Variants in ABI3BP observed in about 807,000 individuals in gnomAD.
The protein encoded by ABI3BP is ABI family member 3 binding protein.
ABI3BP carries 216 observed loss-of-function variants against 268.6 expected under a neutral mutation model. That is an observed-to-expected ratio of 0.80 (90% confidence interval 0.72 to 0.90). The LOEUF is 0.90. Ranked by LOEUF, ABI3BP falls within the 40% of genes least tolerant of loss-of-function variation. ABI3BP has a pLI of 0.00. For synonymous variants in ABI3BP, 730 were observed against 730.0 expected (o/e 1.00, Z 0.00); for missense variants, 2,090 against 2,182.4 (o/e 0.96, Z 0.84).
Position 100,765,780 on chromosome 3 carries a change from C to G in ABI3BP, c.4850+61G>C, listed in dbSNP as rs57092396. 1.4e-3 allele frequency: 1,776 copies of G among 1,240,730 alleles called. 26 individuals carry two copies. In the African/African-American group the frequency reaches 0.024, roughly 17 times the overall value. The allele number at this position is 1,240,730 out of a possible 1,614,324, so 76.9% of individuals were successfully genotyped here. On this transcript the variant is annotated intron_variant, in intron 63 of 67. Transcript: ENST00000471714. ...GAGAAGATGATTATCATTTCTTTCC[C>G]TTGTTGTGGTTATAACTTTTGCACT...
chr3:100,847,170 A>G (rs1309531029), intron 19 of ABI3BP, among the ~76,000 whole-genome samples: 2 of 152,224 alleles, frequency 1.3e-5, no homozygotes, highest in Non-Finnish European at 2.9e-5. Context: ...ACTCTCAAAA[A>G]AATTCACCAA....
chr3:100,950,232 G>T (rs994259991), intron 1 of ABI3BP, among the ~76,000 whole-genome samples: 1 of 152,130 alleles, frequency 6.6e-6, no homozygotes, highest in Non-Finnish European at 1.5e-5. Context: ...GCAGAGAAAG[G>T]ATATTCAATT....
Position 100,750,258 on chromosome 3 carries a change from C to T in ABI3BP, c.*237G>A, listed in dbSNP as rs180765131. On this transcript the variant is annotated 3_prime_UTR_variant, in exon 68 of 68. Transcript: ENST00000471714. ...TCTTAAAATACCATGAATAGGGAGCCAGCTTCCCCAAAAATGTTATTCTGT... is the reference window on the plus strand; with the variant it reads ...TCTTAAAATACCATGAATAGGGAGCTAGCTTCCCCAAAAATGTTATTCTGT... 2 of 359,330 alleles carry T rather than the reference C, an allele frequency of 5.6e-6. No individual in the cohort carries two copies. Among genetic ancestry groups the T allele is most frequent in the East Asian group, 9.3e-5 (2 of 21,446 alleles). 22.3% of individuals were successfully genotyped at this position (359,330 alleles called of 1,614,324 possible). A position where few individuals can be genotyped will look rare whatever the true frequency, so the allele number is the denominator to read the frequency against.
intron 60 of ABI3BP, 55 bp from the exon 61 acceptor site, chr3:100,774,728 A>G (rs578027940): frequency 1.0e-5 from 14 of 1,334,020 alleles, no homozygotes; most frequent in Non-Finnish European, 1.4e-5. Context: ...GCTTCACAAT[A>G]CAATGAAAAA....
intron 4 of ABI3BP, among the ~76,000 whole-genome samples, chr3:100,895,856 A>C (rs1561397751): frequency 6.6e-6 from 1 of 152,234 alleles, no homozygotes; most frequent in Non-Finnish European, 1.5e-5. Flanking sequence ...TAGTTCTGGC[A>C]GATTTATTTG....
At chr3:100,766,564 T>G (rs1372116492) in intron 62 of ABI3BP, among the ~76,000 whole-genome samples, 1 of 152,250 alleles carries the variant, frequency 6.6e-6, no homozygotes, top group Non-Finnish European at 1.5e-5. Flanking sequence ...ATTATTTTCC[T>G]TGTATTGAAA....
At chr3:100,917,748 T>C (rs1165076105) in intron 2 of ABI3BP, among the ~76,000 whole-genome samples, 2 of 152,212 alleles carry the variant, frequency 1.3e-5, no homozygotes, top group African/African-American at 4.8e-5. Flanking sequence ...ATTTTTGTAT[T>C]GTACTTCCAA....
chr3:100,778,586 G>T lies in ABI3BP; in HGVS notation c.4241-210C>A, dbSNP rs72930673. The T allele has an allele frequency of 6.9e-3, 3,819 of 554,744 alleles. 42 individuals carry two copies. Among genetic ancestry groups the T allele is most frequent in the African/African-American group, 0.027 (1,400 of 52,536 alleles). The allele number at this position is 554,744 out of a possible 1,614,324, so 34.4% of individuals were successfully genotyped here. A position where few individuals can be genotyped will look rare whatever the true frequency, so the allele number is the denominator to read the frequency against. ...ATGTCCCCAGGGACAACAACGCACTGTAGTATATAGAAAACATGTCCTCAT... is the reference window on the plus strand; with the variant it reads ...ATGTCCCCAGGGACAACAACGCACTTTAGTATATAGAAAACATGTCCTCAT... On this transcript the variant is annotated intron_variant, in intron 58 of 67. Transcript: ENST00000471714.
chr3:100,899,558 C>T (rs1582597283), intron 3 of ABI3BP, among the ~76,000 whole-genome samples: 1 of 152,066 alleles, frequency 6.6e-6, no homozygotes, highest in African/African-American at 2.4e-5. Context: ...CTAAATAATG[C>T]CAAGAGTTAT....
At position 100,754,542 on chromosome 3, in the gene ABI3BP, TC is replaced by T. The variant is rs1323736556; in HGVS notation, c.4930+69del. ...ACATGTAGTGGGTTTCAAACAAACT[TC>T]CTACGCAAAACATTGCTCCACTGTG... On this transcript the variant is annotated intron_variant, in intron 64 of 67. Coordinates refer to ENST00000471714, the MANE Select transcript of ABI3BP (RefSeq NM_001375547.2). 3.5e-5 allele frequency: 51 copies of T among 1,442,536 alleles called. 1 individual carries two copies. In the Middle Eastern group the frequency reaches 6.9e-4, roughly 20 times the overall value. The allele number at this position is 1,442,536 out of a possible 1,614,324, so 89.4% of individuals were successfully genotyped here. A position where few individuals can be genotyped will look rare whatever the true frequency, so the allele number is the denominator to read the frequency against.
chr3:100,759,737 C>G (rs977344376), intron 63 of ABI3BP, among the ~76,000 whole-genome samples: 1 of 152,148 alleles, frequency 6.6e-6, no homozygotes, highest in African/African-American at 2.4e-5. Flanking sequence ...AGGTAGCTGT[C>G]CTTCTGCCCC....
intron 1 of ABI3BP, among the ~76,000 whole-genome samples, chr3:100,932,659 C>T (rs1836985): frequency 0.6 from 91,026 of 151,940 alleles, 27,891 homozygotes; most frequent in East Asian, 0.91. Context: ...CATCATCTCA[C>T]ACCATCAGAA....
At chr3:100,954,975 CTTTTTTTTT>C (rs71299382) in intron 1 of ABI3BP, among the ~76,000 whole-genome samples, 29 of 94,758 alleles carry the variant, frequency 3.1e-4, no homozygotes, top group South Asian at 7.6e-4. Flanking sequence ...TAAATTTTGT[CTTTTTTTTT>C]TTTTTTTTTT....
At chr3:100,837,572 A>G (rs1579799423) in intron 26 of ABI3BP, among the ~76,000 whole-genome samples, 1 of 152,136 alleles carries the variant, frequency 6.6e-6, no homozygotes, top group African/African-American at 2.4e-5. Context: ...CCTGGCCAAC[A>G]TGGTGAAACC....
At chr3:100,789,315 A>C (rs917148104) in intron 56 of ABI3BP, 139 bp downstream of exon 56, 26 of 701,344 alleles carry the variant, frequency 3.7e-5, no homozygotes, top group Middle Eastern at 3.3e-4. Flanking sequence ...ATACCTTTCC[A>C]CTTATCCACA....
chr3:100,948,709 A>C (rs2073630825), intron 1 of ABI3BP, among the ~76,000 whole-genome samples: 1 of 152,208 alleles, frequency 6.6e-6, no homozygotes, highest in African/African-American at 2.4e-5. Flanking sequence ...TAACTTAAAA[A>C]ATTATACAAA....
At chr3:100,828,116 G>T (rs1373250288) in intron 34 of ABI3BP, among the ~76,000 whole-genome samples, 1 of 152,124 alleles carries the variant, frequency 6.6e-6, no homozygotes, top group Non-Finnish European at 1.5e-5. Context: ...GGTTAGCGTA[G>T]ATCAGGTCAG....
At chr3:100,773,815 T>C (rs2096624729) in intron 61 of ABI3BP, among the ~76,000 whole-genome samples, 1 of 152,366 alleles carries the variant, frequency 6.6e-6, no homozygotes, top group Non-Finnish European at 1.5e-5. Context: ...CAAATATTTA[T>C]GCTGATAAAA....
intron 36 of ABI3BP, 42 bp downstream of exon 36, chr3:100,824,816 G>A (rs1184893322): frequency 1.3e-6 from 2 of 1,487,720 alleles, no homozygotes; most frequent in Admixed American, 2.0e-5. Flanking sequence ...ACTGCGACAG[G>A]CTGCCAGGGA....
Sources: gnomAD v4.1 joint callset for allele counts (sites outside exome capture counted in the v4.1 genomes callset) on GRCh38, gnomAD v4.1.1 for gene constraint, MANE v1.5 for transcripts, NCBI Gene and HGNC (gene_info 2026-07-23, HGNC 2026-07-21) for gene names.